CEP112: variants seen among roughly 807,000 people sequenced by gnomAD.
CEP112 encodes the protein centrosomal protein of 112 kDa.
CEP112 carries 127 observed loss-of-function variants against 153.0 expected under a neutral mutation model. That is an observed-to-expected ratio of 0.83 (90% CI 0.72 to 0.96). The LOEUF is 0.96. Among genes scored for constraint, CEP112 ranks in the 40% least tolerant of loss-of-function variants. The probability of loss-of-function intolerance (pLI) is 0.00; values close to 1 mark genes in which losing one functional copy is unlikely to be tolerated. For missense variants in CEP112, 1,089 were observed against 1,101.2 expected (o/e 0.99, Z 0.16); for synonymous variants, 358 against 374.4 (o/e 0.96, Z 0.51).
At chr17:65,772,716 T>C (rs1488843273) in intron 21 of CEP112, among the ~76,000 whole-genome samples, 1 of 152,106 alleles carries the variant, frequency 6.6e-6, no homozygotes, top group Non-Finnish European at 1.5e-5. Flanking sequence ...ACTGTATGTT[T>C]ACAGAAGTAA....
intron 10 of CEP112, 132 bp from the exon 11 acceptor site, chr17:66,063,213 T>C (rs28418652): frequency 0.043 from 19,299 of 448,244 alleles, 509 homozygotes; most frequent in African/African-American, 0.071. Flanking sequence ...TTCTAAAATA[T>C]CTTTTATTCC....
intron 16 of CEP112, among the ~76,000 whole-genome samples, chr17:66,008,693 T>C (rs1899584): frequency 0.41 from 62,052 of 151,492 alleles, 14,109 homozygotes; most frequent in East Asian, 0.87. Flanking sequence ...TTCCCTGACA[T>C]CCCTCCCCAC....
At chr17:66,044,044 T>C (rs2066097725) in intron 12 of CEP112, among the ~76,000 whole-genome samples, 1 of 152,138 alleles carries the variant, frequency 6.6e-6, no homozygotes, top group Admixed American at 6.5e-5. Context: ...TTCTCTATAT[T>C]TACTAGTATT....
intron 18 of CEP112, among the ~76,000 whole-genome samples, chr17:65,937,322 A>G (rs1208020221): frequency 2.1e-5 from 2 of 96,444 alleles, no homozygotes; most frequent in African/African-American, 5.3e-5. Context: ...CATCCCATCT[A>G]GGAAGTGAGG....
At chr17:65,647,235 G>A (rs1039276172) in intron 24 of CEP112, among the ~76,000 whole-genome samples, 101 of 147,190 alleles carry the variant, frequency 6.9e-4, no homozygotes, top group African/African-American at 2.5e-3. Context: ...GTGCAATGGC[G>A]CGATCTCGGC....
chr17:65,716,545 A>C (rs2049528221), intron 23 of CEP112, among the ~76,000 whole-genome samples: 1 of 152,176 alleles, frequency 6.6e-6, no homozygotes, highest in South Asian at 2.1e-4. Context: ...ACTTGGAGTC[A>C]AGTCAAAGTT....
intron 19 of CEP112, among the ~76,000 whole-genome samples, chr17:65,905,339 CAT>C (rs2060030249): frequency 6.6e-6 from 1 of 152,242 alleles, no homozygotes; most frequent in East Asian, 1.9e-4. Context: ...AGACAACAAA[CAT>C]ATGGAAAAAA....
At chr17:65,884,078 C>T (rs567125044) in intron 20 of CEP112, among the ~76,000 whole-genome samples, 57 of 151,990 alleles carry the variant, frequency 3.8e-4, no homozygotes, top group Admixed American at 2.2e-3. Flanking sequence ...AGATGAGAGA[C>T]GGGAACTTGA....
intron 6 of CEP112, among the ~76,000 whole-genome samples, chr17:66,126,111 T>C (rs1598400766): frequency 6.6e-6 from 1 of 152,228 alleles, no homozygotes; most frequent in African/African-American, 2.4e-5. Flanking sequence ...ATTGTGATTT[T>C]CATTGAATGT....
At chr17:66,157,396 A>G (rs781316142) in intron 4 of CEP112, among the ~76,000 whole-genome samples, 2 of 152,348 alleles carry the variant, frequency 1.3e-5, no homozygotes, top group African/African-American at 4.8e-5. Context: ...TATGGAAACG[A>G]AAAACCAGTA....
chr17:65,773,959 C>T (rs558610988), intron 21 of CEP112, among the ~76,000 whole-genome samples: 4 of 152,068 alleles, frequency 2.6e-5, no homozygotes, highest in African/African-American at 4.8e-5. Flanking sequence ...TGGTGGCACA[C>T]GCCTGTAATC....
chr17:66,158,015 A>G (rs1013718151), intron 4 of CEP112, among the ~76,000 whole-genome samples: 5 of 152,172 alleles, frequency 3.3e-5, no homozygotes, highest in Non-Finnish European at 7.3e-5. Context: ...CAGGACTTGA[A>G]CTCAGCTCTG....
intron 24 of CEP112, among the ~76,000 whole-genome samples, chr17:65,646,187 T>A (rs1253259260): frequency 2.0e-5 from 3 of 152,248 alleles, no homozygotes; most frequent in Non-Finnish European, 4.4e-5. Context: ...CCATTATTCC[T>A]TCCATCACTT....
chr17:65,971,720 A>G (rs1468110376), intron 17 of CEP112, among the ~76,000 whole-genome samples: 1 of 151,914 alleles, frequency 6.6e-6, no homozygotes, highest in Admixed American at 6.6e-5. Context: ...ATGCATGCAT[A>G]AATATATTGC....
intron 18 of CEP112, among the ~76,000 whole-genome samples, chr17:65,935,455 C>A (rs1261447103): frequency 5.9e-5 from 9 of 152,108 alleles, no homozygotes; most frequent in Admixed American, 5.9e-4. Context: ...TTCCATCCAG[C>A]AGCAAGAGAA....
intron 23 of CEP112, among the ~76,000 whole-genome samples, chr17:65,711,938 T>C (rs927641412): frequency 2.6e-5 from 4 of 152,232 alleles, no homozygotes; most frequent in African/African-American, 9.6e-5. Flanking sequence ...ACTCACTGCA[T>C]GCATTTTGGC....
chr17:65,968,856 T>A (rs549055661), intron 17 of CEP112, among the ~76,000 whole-genome samples: 3 of 113,336 alleles, frequency 2.6e-5, no homozygotes, highest in African/African-American at 8.8e-5. Context: ...ATACATTTTT[T>A]ATTAACTTAC....
At chr17:66,062,553 TAA>T (rs1257557702) in intron 11 of CEP112, among the ~76,000 whole-genome samples, 1 of 152,040 alleles carries the variant, frequency 6.6e-6, no homozygotes, top group African/African-American at 2.4e-5. Flanking sequence ...AAAAATAAAA[TAA>T]GTTTATACAA....
At chr17:66,042,667 C>T (rs1011762456) in intron 12 of CEP112, among the ~76,000 whole-genome samples, 5 of 151,936 alleles carry the variant, frequency 3.3e-5, no homozygotes, top group African/African-American at 1.2e-4. Context: ...TAGGTAAAAA[C>T]GAAGGAAATC....
Sources: gnomAD v4.1 joint callset for allele counts (sites outside exome capture counted in the v4.1 genomes callset) on GRCh38, gnomAD v4.1.1 for gene constraint, MANE v1.5 for transcripts, NCBI Gene and HGNC (gene_info 2026-07-23, HGNC 2026-07-21) for gene names.